The following ID4 variants were observed in gnomAD, a reference collection of about 807,000 sequenced individuals.
The protein encoded by ID4 is DNA-binding protein inhibitor ID-4.
A neutral mutation model predicts 8.6 loss-of-function variants in ID4; 9 were observed. The observed-to-expected ratio is 1.04, with a 90% CI of 0.63 to 1.82. The LOEUF is 1.82. Among genes scored for constraint, ID4 ranks in the 40% most tolerant of loss-of-function variants. The pLI is 0.00. For synonymous variants in ID4, 180 were observed against 118.0 expected, an observed-to-expected ratio of 1.53 and a Z score of -3.41; for missense variants, 270 against 235.1, an observed-to-expected ratio of 1.15 and a Z score of -0.97.
intron 2 of ID4, 120 bp downstream of exon 2, chr6:19,838,762 G>A (rs895407863): frequency 1.3e-4 from 107 of 792,858 alleles, no homozygotes; most frequent in African/African-American, 1.1e-3. Flanking sequence ...AAACTCCCAA[G>A]GAAGTAAATC....
intron 2 of ID4, 38 bp downstream of exon 2, chr6:19,838,680 A>G (rs1761286453): frequency 1.3e-6 from 2 of 1,585,806 alleles, no homozygotes; most frequent in Non-Finnish European, 1.7e-6. Context: ...GCCGGTCACC[A>G]GAGACGCCCG....
rs1761325296 is a variant in ID4, at chr6:19,840,012, G to C, written c.*817G>C. ...AGCTAGTGGTCTTGCATGATTGCATGAGATGTTTAATCACAAATTAAACTT... is the reference window on the plus strand; with the variant it reads ...AGCTAGTGGTCTTGCATGATTGCATCAGATGTTTAATCACAAATTAAACTT... On this transcript the variant is annotated 3_prime_UTR_variant, in exon 3 of 3. Transcript: ENST00000378700. 1 of 152,506 alleles carries C rather than the reference G, an allele frequency of 6.6e-6. No individual in the cohort carries two copies. Among genetic ancestry groups the C allele is most frequent in the Admixed American group, 6.5e-5 (1 of 15,276 alleles). The allele number at this position is 152,506 out of a possible 1,614,324, so 9.4% of individuals were successfully genotyped here. A position where few individuals can be genotyped will look rare whatever the true frequency, so the allele number is the denominator to read the frequency against.
chr6:19,839,156 T>C (rs756565949), intron 2 of ID4, 54 bp from the exon 3 acceptor site: 81 of 163,138 alleles, frequency 5.0e-4, no homozygotes, highest in Non-Finnish European at 7.4e-4. Flanking sequence ...GTGGCGCCAG[T>C]TAGTCTGCAG....
chr6:19,838,771 TCCCCTCTCTCCCTGCCACCTAAGTAG>T, intron 2 of ID4, 129 bp downstream of exon 2: 1 of 704,738 alleles, frequency 1.4e-6, no homozygotes, highest in Non-Finnish European at 2.4e-6. Flanking sequence ...AGGAAGTAAA[TCCCCTCTCTCCCTGCCACCTAAGTAG>T]CAAGTAAACC....
chr6:19,842,130 A>G lies in ID4; in HGVS notation c.*2935A>G, dbSNP rs1433844877. Among the ~76,000 whole-genome samples, 3 of 152,230 alleles carry G rather than the reference A, an allele frequency of 2.0e-5. No homozygotes were observed. The highest frequency in any genetic ancestry group is 2.0e-4 in the Admixed American group (3 of 15,290). The stretch of plus-strand genomic sequence containing the variant: ...TTTAACTGCCTTTTTAGAACTTTTT[A>G]AAATTTCGAGCCCACAAATCTATTG... On this transcript the variant is annotated 3_prime_UTR_variant, in exon 3 of 3. Transcript: ENST00000378700.
Position 19,840,314 on chromosome 6 carries a change from C to A in ID4, c.*1119C>A, listed in dbSNP as rs185617272. 6.6e-6 allele frequency: 1 copy of A among 152,504 alleles called. No homozygotes were observed. The highest frequency in any genetic ancestry group is 1.5e-5 in the Non-Finnish European group (1 of 68,006). 9.4% of individuals were successfully genotyped at this position (152,504 alleles called of 1,614,324 possible). A position where few individuals can be genotyped will look rare whatever the true frequency, so the allele number is the denominator to read the frequency against. Reference sequence around the variant, plus strand: ...AAATTGCTTATTACTCTTCATTTTACACTAAAGCTTAATGTCACTAAGTTT... The same window carrying A: ...AAATTGCTTATTACTCTTCATTTTAAACTAAAGCTTAATGTCACTAAGTTT... On this transcript the variant is annotated 3_prime_UTR_variant, in exon 3 of 3. Coordinates refer to ENST00000378700, the MANE Select transcript of ID4 (RefSeq NM_001546.4).
rs1761313591 is a variant in ID4, at chr6:19,839,609, T to C, written c.*414T>C. On this transcript the variant is annotated 3_prime_UTR_variant, in exon 3 of 3. Transcript: ENST00000378700. ...AAGCTTTACTAATCTACCAGAGCAT[T>C]GTAGATATTTTTTTTTTACATCTAT... The C allele has an allele frequency of 7.0e-6, 1 of 143,502 alleles. No individual in the cohort carries two copies. Among genetic ancestry groups the C allele is most frequent in the African/African-American group, 2.6e-5 (1 of 39,152 alleles). The allele number at this position is 143,502 out of a possible 1,614,324, so 8.9% of individuals were successfully genotyped here. A position where few individuals can be genotyped will look rare whatever the true frequency, so the allele number is the denominator to read the frequency against.
rs118118053 is a variant in ID4, at chr6:19,841,271, T to C, written c.*2076T>C. Among the ~76,000 whole-genome samples, 7 of 152,350 alleles carry C rather than the reference T, an allele frequency of 4.6e-5. No homozygotes were observed. In the East Asian group the frequency reaches 9.6e-4, roughly 21 times the overall value. On this transcript the variant is annotated 3_prime_UTR_variant, in exon 3 of 3. Transcript: ENST00000378700. ...AGGTTTATTTTTATTTTTGATATTA[T>C]TCATTCTTGTCACACATCAAGAAGA...
intron 2 of ID4, 83 bp downstream of exon 2, chr6:19,838,725 T>G: frequency 1.6e-6 from 2 of 1,242,378 alleles, no homozygotes; most frequent in Non-Finnish European, 2.3e-6. Context: ...CACCGCGGTG[T>G]TCTTTGCCCC....
In ID4 at chr6:19,841,303, T is replaced by C. The variant is rs2113469140; in HGVS notation, c.*2108T>C. ...TTGTCACACATCAAGAAGAAAACAC[T>C]AGAGTGCTGCTGGAATTCCAAATCT... On this transcript the variant is annotated 3_prime_UTR_variant, in exon 3 of 3. Coordinates refer to ENST00000378700, the MANE Select transcript of ID4 (RefSeq NM_001546.4). Among the ~76,000 whole-genome samples, 1 of 152,334 alleles carries C rather than the reference T, an allele frequency of 6.6e-6. No individual in the cohort carries two copies. The highest frequency in any genetic ancestry group is 2.1e-4 in the South Asian group (1 of 4,822).
chr6:19,838,265 C>G, intron 1 of ID4, 70 bp downstream of exon 1: 2 of 1,264,110 alleles, frequency 1.6e-6, no homozygotes, highest in African/African-American at 1.6e-5. Flanking sequence ...GGTGGCGGGA[C>G]GCGGGCGCTC....
At chr6:19,838,248 G>A in intron 1 of ID4, 53 bp downstream of exon 1, 2 of 1,301,680 alleles carry the variant, frequency 1.5e-6, no homozygotes, top group East Asian at 6.4e-5. Flanking sequence ...TGGGAGGTTG[G>A]TGGCGTGGTG....
In ID4 at chr6:19,838,622, C is replaced by T. The variant is rs746867554; in HGVS notation, c.480C>T (p.Cys160=). 6 of 1,613,918 alleles carry T rather than the reference C, an allele frequency of 3.7e-6. No individual in the cohort carries two copies. In the African/African-American group the frequency reaches 5.3e-5, roughly 14 times the overall value. ...ACAAGCAGGGCGACAGCATTCTGTG[C>T]CGCTGAGCCGCGCTGTCCAGGTGAG... The part of the protein sequence containing the change: ...AVNKQGDSIL[C]R The change falls in exon 2 of 3, where the codon TGC becomes TGT. Residue 160 remains cysteine (C), a synonymous_variant. Transcript: ENST00000378700.
rs1021268144 is a variant in ID4 at position 19,839,710 on chromosome 6, A to C, written c.*515A>C. ...AGAATGTTACATATTGTATAGATAA[A>C]TGAGTGACATTTCATACCATGTATA... is the stretch of plus-strand genomic sequence containing the variant. On this transcript the variant is annotated 3_prime_UTR_variant, in exon 3 of 3. Transcript: ENST00000378700. The C allele has an allele frequency of 2.6e-5, 4 of 152,536 alleles. No homozygotes were observed. Among genetic ancestry groups the C allele is most frequent in the African/African-American group, 9.7e-5 (4 of 41,370 alleles). 9.4% of individuals were successfully genotyped at this position (152,536 alleles called of 1,614,324 possible).
rs376531954 is a variant in ID4 at position 19,837,951 on chromosome 6, G to A, written c.197G>A (p.Cys66Tyr). Residue 66 changes from cysteine to tyrosine, a missense_variant, in exon 1 of 3, where the codon TGC (cysteine) becomes TAC (tyrosine). This residue lies in a region of ID4 where 160 missense variants were observed against 131.5 expected (regional missense o/e 1.22). Coordinates refer to ENST00000378700, the MANE Select transcript of ID4 (RefSeq NM_001546.4). ...GACGAGCCGGCGCTGTGCCTGCAGT[G>A]CGATATGAACGACTGCTATAGCCGC... ...AADEPALCLQ[C>Y]DMNDCYSRLR... 9.1e-6 allele frequency: 14 copies of A among 1,545,290 alleles called. No homozygotes were observed. Among genetic ancestry groups the A allele is most frequent in the South Asian group, 1.2e-5 (1 of 83,244 alleles).
At chr6:19,838,244 G>A (rs925708101) in intron 1 of ID4, 49 bp downstream of exon 1, 90 of 1,311,482 alleles carry the variant, frequency 6.9e-5, no homozygotes, top group Non-Finnish European at 8.3e-5. Flanking sequence ...GGGATGGGAG[G>A]TTGGTGGCGT....
At position 19,841,427 on chromosome 6, in the gene ID4, A is replaced by G. The variant is rs1311640065; in HGVS notation, c.*2232A>G. Among the ~76,000 whole-genome samples, 1 of 152,326 alleles carries G rather than the reference A, an allele frequency of 6.6e-6. No individual in the cohort carries two copies. Among genetic ancestry groups the G allele is most frequent in the Admixed American group, 6.5e-5 (1 of 15,306 alleles). ...TCAGTAGGAAGCATGTCACATGTGCACTGTTGGTTAGAATTATGCATCTGT... is the reference window on the plus strand; with the variant it reads ...TCAGTAGGAAGCATGTCACATGTGCGCTGTTGGTTAGAATTATGCATCTGT... On this transcript the variant is annotated 3_prime_UTR_variant, in exon 3 of 3. Transcript: ENST00000378700.
Position 19,838,094 on chromosome 6 carries a change from C to A in ID4, c.340C>A (p.Leu114Met). ...GCTGGCGCTGGAGACGCACCCGGCC[C>A]TGCTGAGGCAGCCACCACCGCCCGC... ...LQLALETHPALLRQPPPPAPP... is the reference protein window; with the variant it reads ...LQLALETHPAMLRQPPPPAPP... Residue 114 changes from leucine to methionine, a missense_variant, in exon 1 of 3, where the codon CTG (leucine) becomes ATG (methionine). Leu to Met is a conservative substitution (Grantham distance 15, BLOSUM62 2). This residue lies in a region of ID4 where 107 missense variants were observed against 81.0 expected (regional missense o/e 1.32). Transcript: ENST00000378700. The A allele has an allele frequency of 6.2e-7, 1 of 1,601,876 alleles. No homozygotes were observed. Among genetic ancestry groups the A allele is most frequent in the Non-Finnish European group, 8.5e-7 (1 of 1,174,742 alleles).
In ID4 at chr6:19,840,551, C is replaced by G. The variant is rs1164480484; in HGVS notation, c.*1356C>G. The G allele has an allele frequency of 6.6e-6, 1 of 152,570 alleles. No individual in the cohort carries two copies. Among genetic ancestry groups the G allele is most frequent in the African/African-American group, 2.4e-5 (1 of 41,442 alleles). 9.5% of individuals were successfully genotyped at this position (152,570 alleles called of 1,614,324 possible). On this transcript the variant is annotated 3_prime_UTR_variant, in exon 3 of 3. Coordinates refer to ENST00000378700, the MANE Select transcript of ID4 (RefSeq NM_001546.4). Reference sequence around the variant, plus strand: ...CATTAACTTAAGCAGACCAAAAATTCTGATGACCGCATCTAGATTATTTTT... The same window carrying G: ...CATTAACTTAAGCAGACCAAAAATTGTGATGACCGCATCTAGATTATTTTT...
Sources: gnomAD v4.1 joint callset for allele counts (sites outside exome capture counted in the v4.1 genomes callset) on GRCh38, gnomAD v4.1.1 for gene constraint, gnomAD v4.1.1 regional missense constraint, MANE v1.5 for transcripts, NCBI Gene and HGNC (gene_info 2026-07-23, HGNC 2026-07-21) for gene names.